The following IFT140 variants were observed in gnomAD, a reference collection of about 807,000 sequenced individuals.
The protein encoded by IFT140 is intraflagellar transport 140.
Under a neutral mutation model 164.6 loss-of-function variants are expected in IFT140, and 133 were observed. That is an observed-to-expected ratio of 0.81 (90% CI 0.70 to 0.93). The LOEUF (loss-of-function observed/expected upper bound fraction) is 0.93, where lower values mean the gene tolerates loss of function less well. Among genes scored for constraint, IFT140 ranks in the 40% least tolerant of loss-of-function variants. The pLI, the probability that IFT140 is intolerant of heterozygous loss-of-function variation, is 0.00. For missense variants in IFT140, 2,045 were observed against 1,972.3 expected (o/e 1.04, Z -0.70); for synonymous variants, 860 against 817.3 (o/e 1.05, Z -0.89).
rs1002670900 is a variant in IFT140 at position 1,519,982 on chromosome 16, G to A, written c.3939C>T (p.Cys1313=). 1 of 1,606,544 alleles carries A rather than the reference G, an allele frequency of 6.2e-7. No homozygotes were observed. The highest frequency in any genetic ancestry group is 8.5e-7 in the Non-Finnish European group (1 of 1,177,142). ...GGCTCTTGGCCTTGGCCTTGGCCAGGCACTTGTAGGCCTCGGTCAGCGCCC... is the reference window on the plus strand; with the variant it reads ...GGCTCTTGGCCTTGGCCTTGGCCAGACACTTGTAGGCCTCGGTCAGCGCCC... The part of the protein sequence containing the change: ...AHGALTEAYK[C]LAKAKAKSPL... The change falls in exon 29 of 31, where the codon TGC becomes TGT. Residue 1313 remains cysteine, a synonymous_variant. Coordinates refer to ENST00000426508, the MANE Select transcript of IFT140 (RefSeq NM_014714.4).
chr16:1,524,950 C>T (rs759697427), intron 22 of IFT140, 34 bp from the exon 23 acceptor site: 44 of 1,581,080 alleles, frequency 2.8e-5, no homozygotes, highest in Admixed American at 5.0e-5. Context: ...ATTCTCCACC[C>T]GAGCCCCGCT....
rs778106074 is a variant in IFT140 at position 1,571,457 on chromosome 16, C to G, written c.1602G>C (p.Leu534=). The part of the protein sequence containing the change: ...PCFLDICGNF[L]VVGTDLAHFK... ...AGTGAGCCAAGTCTGTCCCTACAAC[C>G]AGGAAATTCCCACAGATGTCCAAGA... Residue 534 remains leucine (L), a synonymous_variant, in exon 14 of 31, where the codon CTG becomes CTC. Coordinates refer to ENST00000426508, the MANE Select transcript of IFT140 (RefSeq NM_014714.4). The G allele has an allele frequency of 3.1e-6, 5 of 1,614,022 alleles. No homozygotes were observed. The highest frequency in any genetic ancestry group is 3.4e-6 in the Non-Finnish European group (4 of 1,180,016).
At chr16:1,536,849 C>T (rs183748810) in intron 19 of IFT140, among the ~76,000 whole-genome samples, 65 of 152,358 alleles carry the variant, frequency 4.3e-4, no homozygotes, top group Non-Finnish European at 7.6e-4. Context: ...CAGCAACATT[C>T]GCTGCCCCCA....
chr16:1,582,915 A>G (rs2034651743), intron 12 of IFT140, among the ~76,000 whole-genome samples: 1 of 152,198 alleles, frequency 6.6e-6, no homozygotes. Flanking sequence ...AGAGCTGGAG[A>G]GATCTTGGGG....
rs139813764 is a variant in IFT140, at chr16:1,525,838, C to A, written c.2768+49G>T. On this transcript the variant is annotated intron_variant, in intron 21 of 30. Coordinates refer to ENST00000426508, the MANE Select transcript of IFT140 (RefSeq NM_014714.4). ...CAGCACACACAAGAGGCCTCACAAG[C>A]CAGGGCCATCCAGAGAGGCAGGGAA... 1,646 of 1,471,788 alleles carry A rather than the reference C, an allele frequency of 1.1e-3. 19 individuals carry two copies. The African/African-American group carries it at 0.02, about 18-fold the overall frequency. 91.2% of individuals were successfully genotyped at this position (1,471,788 alleles called of 1,614,324 possible).
intron 19 of IFT140, chr16:1,532,377 G>T (rs1308229578): frequency 6.6e-6 from 1 of 152,330 alleles, no homozygotes; most frequent in Admixed American, 6.5e-5. Flanking sequence ...CGCTTCTCAG[G>T]ACCCAGCACG....
intron 30 of IFT140, chr16:1,514,742 C>T (rs1178299945): frequency 6.6e-6 from 1 of 152,088 alleles, no homozygotes; most frequent in Admixed American, 6.5e-5. Context: ...AATGACTAGA[C>T]ATAAGAAACA....
intron 26 of IFT140, 97 bp from the exon 27 acceptor site, chr16:1,520,905 G>A (rs902717270): frequency 8.1e-5 from 95 of 1,168,974 alleles, no homozygotes; most frequent in Non-Finnish European, 1.1e-4. Context: ...CAGGCCCCTC[G>A]GCTCAGCGGC....
chr16:1,534,332 C>T (rs1393407308), intron 19 of IFT140: 1 of 1,612,828 alleles, frequency 6.2e-7, no homozygotes, highest in South Asian at 1.1e-5. Context: ...TCTCACTCAT[C>T]CTCAACAACG....
At chr16:1,570,763 G>C (rs951283745) in intron 14 of IFT140, among the ~76,000 whole-genome samples, 12 of 152,228 alleles carry the variant, frequency 7.9e-5, no homozygotes, top group African/African-American at 2.6e-4. Flanking sequence ...AACATTCTAA[G>C]TGATTTTTTT....
At chr16:1,567,414 T>C (rs1183327438) in intron 15 of IFT140, among the ~76,000 whole-genome samples, 3 of 152,038 alleles carry the variant, frequency 2.0e-5, no homozygotes, top group African/African-American at 7.3e-5. Context: ...TGCCCTCTGC[T>C]GTCCCCACCA....
In IFT140 at chr16:1,554,107, G is replaced by A. The variant is rs188137734; in HGVS notation, c.2399+3828C>T. The A allele has an allele frequency of 3.3e-5, 42 of 1,287,176 alleles. No homozygotes were observed. In the East Asian group the frequency reaches 1.8e-3, roughly 56 times the overall value. The allele number at this position is 1,287,176 out of a possible 1,614,324, so 79.7% of individuals were successfully genotyped here. On this transcript the variant is annotated intron_variant, in intron 19 of 30. Transcript: ENST00000426508. ...GAGGAGGGAGGGTCTAGAACGAGAA[G>A]CACTGACTCGGAAGTGAGGGAAGAC...
rs2040655166 is a variant in IFT140, at chr16:1,525,320, C to T, written c.2775G>A (p.Glu925=). 3.1e-6 allele frequency: 5 copies of T among 1,611,492 alleles called. No homozygotes were observed. The highest frequency in any genetic ancestry group is 1.3e-5 in the African/African-American group (1 of 75,066). ...ADCSRALSYY[E]KSDTHRFEVP... is the part of the protein sequence containing the mutation. ...CCTCGAAGCGGTGCGTGTCCGACTTCTCGTAGCTGTGAGAGAAGGAGACAG... is the reference window on the plus strand; with the variant it reads ...CCTCGAAGCGGTGCGTGTCCGACTTTTCGTAGCTGTGAGAGAAGGAGACAG... Residue 925 remains glutamate (E), a synonymous_variant, in exon 22 of 31, where the codon GAG becomes GAA. Coordinates refer to ENST00000426508, the MANE Select transcript of IFT140 (RefSeq NM_014714.4).
At chr16:1,596,840 C>T (rs909221124) in intron 4 of IFT140, among the ~76,000 whole-genome samples, 5 of 152,174 alleles carry the variant, frequency 3.3e-5, no homozygotes, top group African/African-American at 4.8e-5. Flanking sequence ...GGGTCTCCTC[C>T]GCCTTCATTT....
chr16:1,562,850 C>T (rs1252136080), intron 17 of IFT140, among the ~76,000 whole-genome samples: 1 of 152,154 alleles, frequency 6.6e-6, no homozygotes, highest in Admixed American at 6.5e-5. Flanking sequence ...GAACAGGGAA[C>T]ACGCAGCACA....
At chr16:1,514,094 T>C (rs937365602) in intron 30 of IFT140, among the ~76,000 whole-genome samples, 2 of 150,948 alleles carry the variant, frequency 1.3e-5, no homozygotes, top group African/African-American at 2.4e-5. Flanking sequence ...GTTGGCCAGG[T>C]GCGGTACCTC....
intron 3 of IFT140, among the ~76,000 whole-genome samples, chr16:1,603,046 C>T (rs753509385): frequency 1.4e-4 from 21 of 152,162 alleles, no homozygotes; most frequent in Non-Finnish European, 2.5e-4. Context: ...TCTCAGTAGA[C>T]TCTTTAATTT....
In IFT140 at chr16:1,566,189, G is replaced by C; in HGVS notation, c.1873C>G (p.Leu625Val). The change falls in exon 16 of 31, where the codon CTG (leucine) becomes GTG (valine). Residue 625 changes from leucine to valine, a missense_variant. Leu to Val is a conservative substitution (Grantham distance 32). Coordinates refer to ENST00000426508, the MANE Select transcript of IFT140 (RefSeq NM_014714.4). Reference sequence around the variant, plus strand: ...TTAGTCTCTTGCTCATTAAAGGACAGCGTCTCTCTCCGATCAATTTGTCCA... The same window carrying C: ...TTAGTCTCTTGCTCATTAAAGGACACCGTCTCTCTCCGATCAATTTGTCCA... ...KTGQIDRRETLSFNEQETNKS... is the reference protein window; with the variant it reads ...KTGQIDRRETVSFNEQETNKS... 6.2e-7 allele frequency: 1 copy of C among 1,613,870 alleles called. No individual in the cohort carries two copies. The highest frequency in any genetic ancestry group is 1.7e-4 in the Middle Eastern group (1 of 6,058).
rs561462241 is a variant in IFT140 at position 1,554,931 on chromosome 16, G to A, written c.2399+3004C>T. On this transcript the variant is annotated intron_variant, in intron 19 of 30. Transcript: ENST00000426508. ...CTGGAACATTCTCCACAAGAGGGAG[G>A]ACTGCATGGCCCCCCGGGTGATTGT... is the stretch of plus-strand genomic sequence containing the variant. 5.3e-5 allele frequency: 85 copies of A among 1,614,184 alleles called. 1 individual carries two copies. The South Asian group carries it at 9.2e-4, about 18-fold the overall frequency.
Sources: allele counts gnomAD v4.1 joint callset (sites outside exome capture counted in the v4.1 genomes callset), GRCh38; gene constraint gnomAD v4.1.1; transcripts MANE v1.5; gene names NCBI Gene and HGNC (gene_info 2026-07-23, HGNC 2026-07-21).